Variants in HM13 observed in about 807,000 individuals in gnomAD.
HM13 encodes signal peptide peptidase.
In HM13, 18 loss-of-function variants were observed where a neutral mutation model predicts 50.0. That is an observed-to-expected ratio of 0.36 (90% CI 0.25 to 0.53). HM13 has a LOEUF of 0.53. HM13 is among the 20% of genes least tolerant of loss of function. The pLI is 0.90. For synonymous variants in HM13, 197 were observed against 232.6 expected, an observed-to-expected ratio of 0.85 and a Z score of 1.39; for missense variants, 393 against 552.4, an observed-to-expected ratio of 0.71 and a Z score of 2.89.
At chr20:31,561,545 A>T in intron 9 of HM13, 89 bp from the exon 10 acceptor site, 1 of 901,242 alleles carries the variant, frequency 1.1e-6, no homozygotes, top group Non-Finnish European at 1.9e-6. Flanking sequence ...CACAACCTCT[A>T]GGGTCTTCCC....
intron 1 of HM13, among the ~76,000 whole-genome samples, chr20:31,519,532 AT>A (rs1385003557): frequency 1.3e-5 from 2 of 152,172 alleles, no homozygotes; most frequent in African/African-American, 4.8e-5. Flanking sequence ...TTTGCTTAGA[AT>A]GCTAGTTCTC....
chr20:31,532,323 G>T (rs146693017), intron 2 of HM13, among the ~76,000 whole-genome samples: 476 of 152,280 alleles, frequency 3.1e-3, no homozygotes, highest in African/African-American at 0.011. Context: ...TACTTGGGAG[G>T]CTGAGGCAGG....
At chr20:31,524,031 A>C (rs1052355454) in intron 1 of HM13, among the ~76,000 whole-genome samples, 5 of 152,156 alleles carry the variant, frequency 3.3e-5, no homozygotes, top group Non-Finnish European at 5.9e-5. Flanking sequence ...ATACAGGCAC[A>C]GTACTTTAGT....
chr20:31,536,196 T>A (rs570421741), intron 2 of HM13, among the ~76,000 whole-genome samples: 42 of 152,240 alleles, frequency 2.8e-4, no homozygotes, highest in African/African-American at 8.7e-4. Context: ...AAACCCCATC[T>A]CTACTAAAAA....
At chr20:31,528,624 G>A (rs189712962) in intron 2 of HM13, among the ~76,000 whole-genome samples, 57 of 152,276 alleles carry the variant, frequency 3.7e-4, no homozygotes, top group African/African-American at 6.7e-4. Flanking sequence ...GATTACAGAC[G>A]CGCGCCACCA....
At chr20:31,522,544 T>A (rs375498693) in intron 1 of HM13, among the ~76,000 whole-genome samples, 3 of 141,706 alleles carry the variant, frequency 2.1e-5, no homozygotes, top group African/African-American at 7.7e-5. Context: ...AAAACTCCAC[T>A]AAAAAAAAAC....
At chr20:31,548,801 T>C in intron 4 of HM13, 1 of 573,338 alleles carries the variant, frequency 1.7e-6, no homozygotes, top group Non-Finnish European at 3.1e-6. Flanking sequence ...CTTGTAAGTC[T>C]CTCTCTGGGC....
Position 31,521,854 on chromosome 20 carries a change from C to CTTT in HM13, c.184-5613_184-5611dup, listed in dbSNP as rs368753723. 9.1e-5 allele frequency among the ~76,000 whole-genome samples: 11 copies of CTTT among 120,628 alleles called. 1 individual carries two copies. The highest frequency in any genetic ancestry group is 2.2e-4 in the African/African-American group (7 of 32,386). The allele number at this position is 120,628 out of a possible 152,430, so 79.1% of individuals were successfully genotyped here. A position where few individuals can be genotyped will look rare whatever the true frequency, so the allele number is the denominator to read the frequency against. Reference sequence around the variant, plus strand: ...ATCGTCAGATTTCAGGTCTCCCATTCTTTTTTTTTTTTTTTTTTTAATGGA... The same window carrying CTTT: ...ATCGTCAGATTTCAGGTCTCCCATTCTTTTTTTTTTTTTTTTTTTTTTAATGGA... On this transcript the variant is annotated intron_variant, in intron 1 of 12. Coordinates refer to ENST00000398174, the MANE Select transcript of HM13 (RefSeq NM_178581.3).
rs949977191 is a variant in HM13 at position 31,549,404 on chromosome 20, C to G, written c.666+72C>G. The stretch of plus-strand genomic sequence containing the variant: ...CATCTCATCACCCTGCCTCTCTGGC[C>G]CAAGTTGCAGTCATCTGACGGAGAA... On this transcript the variant is annotated intron_variant, in intron 6 of 12. Coordinates refer to ENST00000398174, the MANE Select transcript of HM13 (RefSeq NM_178581.3). The G allele has an allele frequency of 9.4e-6, 15 of 1,595,120 alleles. No homozygotes were observed. The African/African-American group carries it at 1.7e-4, about 19-fold the overall frequency.
chr20:31,538,396 C>T, intron 3 of HM13, 135 bp downstream of exon 3: 1 of 1,539,630 alleles, frequency 6.5e-7, no homozygotes, highest in Non-Finnish European at 8.8e-7. Context: ...GGGACTCTTT[C>T]CCCTGCACAC....
At chr20:31,553,023 C>T (rs1453346707) in intron 7 of HM13, among the ~76,000 whole-genome samples, 8 of 152,052 alleles carry the variant, frequency 5.3e-5, no homozygotes, top group East Asian at 3.9e-4. Flanking sequence ...AATGGCCAGG[C>T]GTGGTGGCTT....
chr20:31,522,271 A>G (rs1466060370), intron 1 of HM13, among the ~76,000 whole-genome samples: 2 of 152,092 alleles, frequency 1.3e-5, no homozygotes, highest in Non-Finnish European at 2.9e-5. Context: ...TACACAAAGC[A>G]CACTCCTCAA....
At position 31,514,676 on chromosome 20, in the gene HM13, T is replaced by A. The variant is rs1411951182; in HGVS notation, c.125T>A (p.Met42Lys). 1 of 1,557,596 alleles carries A rather than the reference T, an allele frequency of 6.4e-7. No homozygotes were observed. The highest frequency in any genetic ancestry group is 8.7e-7 in the Non-Finnish European group (1 of 1,151,554). ...CTGGCCTACGGCAGCCTCCTGCTCA[T>A]GGCGCTGCTGCCCATCTTCTTCGGC... ...IALAYGSLLL[M>K]ALLPIFFGAL... Residue 42 changes from methionine (M) to lysine (K), a missense_variant, in exon 1 of 13, where the codon ATG (methionine) becomes AAG (lysine). Transcript: ENST00000398174. The surrounding 1 kb of genome is among the most constrained non-coding windows in gnomAD (Gnocchi z 4.3).
At chr20:31,557,352 A>C (rs1164261825) in intron 8 of HM13, among the ~76,000 whole-genome samples, 1 of 152,236 alleles carries the variant, frequency 6.6e-6, no homozygotes, top group Non-Finnish European at 1.5e-5. Context: ...CAGGCTTGAG[A>C]CAGGCACAGG....
chr20:31,536,158 G>A (rs2122584918), intron 2 of HM13, among the ~76,000 whole-genome samples: 1 of 152,304 alleles, frequency 6.6e-6, no homozygotes, highest in African/African-American at 2.4e-5. Context: ...GAGGTCAGGA[G>A]TTCAAGACCA....
chr20:31,560,356 CTT>C (rs1984537772), intron 9 of HM13, among the ~76,000 whole-genome samples: 1 of 152,248 alleles, frequency 6.6e-6, no homozygotes, highest in Non-Finnish European at 1.5e-5. Flanking sequence ...GTGAACTTCT[CTT>C]GATTTCCTCA....
chr20:31,514,875 GC>G lies in HM13; in HGVS notation c.183+144del. 1 of 909,238 alleles carries G rather than the reference GC, an allele frequency of 1.1e-6. No homozygotes were observed. Among genetic ancestry groups the G allele is most frequent in the Non-Finnish European group, 1.6e-6 (1 of 639,430 alleles). The allele number at this position is 909,238 out of a possible 1,614,324, so 56.3% of individuals were successfully genotyped here. A position where few individuals can be genotyped will look rare whatever the true frequency, so the allele number is the denominator to read the frequency against. ...ATCACCACCGTTCCCTCTGTCTCGGGCCCACATTCCGGGGCTGGCATTTCCT... is the reference window on the plus strand; with the variant it reads ...ATCACCACCGTTCCCTCTGTCTCGGGCCACATTCCGGGGCTGGCATTTCCT... On this transcript the variant is annotated intron_variant, in intron 1 of 12. Transcript: ENST00000398174. The surrounding 1 kb of genome is among the most constrained non-coding windows in gnomAD (Gnocchi z 4.3).
At chr20:31,561,912 G>A (rs1984638969) in intron 10 of HM13, among the ~76,000 whole-genome samples, 176 bp downstream of exon 10, 1 of 152,240 alleles carries the variant, frequency 6.6e-6, no homozygotes, top group Admixed American at 6.5e-5. Context: ...GGCTGCCACT[G>A]CTCTAGGCAG....
At chr20:31,560,720 C>T (rs191857798) in intron 9 of HM13, among the ~76,000 whole-genome samples, 1 of 152,310 alleles carries the variant, frequency 6.6e-6, no homozygotes, top group African/African-American at 2.4e-5. Context: ...AGCCTGGGCT[C>T]ACAGCATAAG....
Sources: allele counts gnomAD v4.1 joint callset (sites outside exome capture counted in the v4.1 genomes callset), GRCh38; gene constraint gnomAD v4.1.1; non-coding constraint Gnocchi (gnomAD v3.1); transcripts MANE v1.5; gene names NCBI Gene and HGNC (gene_info 2026-07-23, HGNC 2026-07-21).